MAOB: variants seen among roughly 807,000 people sequenced by gnomAD.
MAOB encodes the protein amine oxidase [flavin-containing] B.
In MAOB, 15 loss-of-function variants were observed where a neutral mutation model predicts 41.9. The ratio of observed to expected loss-of-function variants is 0.36; its 90% CI spans 0.24 to 0.55. The LOEUF (loss-of-function observed/expected upper bound fraction) is 0.55. Among genes scored for constraint, MAOB ranks in the 20% least tolerant of loss-of-function variants. The pLI is 0.86. For missense variants in MAOB, 345 were observed against 398.7 expected (o/e 0.87, Z 1.15); for synonymous variants, 167 against 144.2 (o/e 1.16, Z -1.13).
chrX:43,846,123 T>C (rs1189143382), intron 1 of MAOB, among the ~76,000 whole-genome samples: 1 of 112,497 alleles, frequency 8.9e-6, no homozygotes, highest in Non-Finnish European at 1.9e-5. Context: ...TTCAATGACA[T>C]TTTTCTTACC....
chrX:43,800,900 CTA>C (rs1484087681), intron 5 of MAOB, among the ~76,000 whole-genome samples: 3 of 111,117 alleles, frequency 2.7e-5, no homozygotes, highest in African/African-American at 9.8e-5. Flanking sequence ...GCCTGCTTTT[CTA>C]TGTGTTTAAT....
intron 1 of MAOB, among the ~76,000 whole-genome samples, chrX:43,872,630 A>T (rs2147182186): frequency 8.9e-6 from 1 of 112,395 alleles, no homozygotes; most frequent in South Asian, 3.7e-4. Flanking sequence ...AAAAAACACA[A>T]ATGTTCAGCA....
At chrX:43,857,143 AGAGAGAGAGAGAGAGAGAG>A (rs1569230866) in intron 1 of MAOB, among the ~76,000 whole-genome samples, 9 of 62,259 alleles carry the variant, frequency 1.4e-4, no homozygotes, top group African/African-American at 3.9e-4. Context: ...AGAGAGAGAG[AGAGAGAGAGAGAGAGAGAG>A]AGAAGAAGAG....
At chrX:43,778,218 A>G (rs886555260) in intron 11 of MAOB, among the ~76,000 whole-genome samples, 4 of 110,927 alleles carry the variant, frequency 3.6e-5, no homozygotes, top group Admixed American at 9.6e-5. Context: ...TTACTGTGAG[A>G]CAGTGGGGGA....
chrX:43,849,258 G>A (rs2035232565), intron 1 of MAOB, among the ~76,000 whole-genome samples: 1 of 111,794 alleles, frequency 8.9e-6, no homozygotes, highest in Non-Finnish European at 1.9e-5. Flanking sequence ...AGAAAATGAA[G>A]CATAGAGAGG....
intron 1 of MAOB, among the ~76,000 whole-genome samples, chrX:43,881,651 A>AGTGGG (rs908837079): frequency 2.7e-5 from 3 of 111,715 alleles, no homozygotes; most frequent in African/African-American, 9.8e-5. Context: ...CTGCGCTAGG[A>AGTGGG]GTGGGGTGGG....
chrX:43,869,017 G>A (rs1314278044), intron 1 of MAOB, among the ~76,000 whole-genome samples: 3 of 111,310 alleles, frequency 2.7e-5, no homozygotes, highest in Middle Eastern at 9.2e-3. Context: ...CAAAGATTTC[G>A]GGTAGATAGT....
At chrX:43,774,955 C>T (rs1373787405) in intron 12 of MAOB, among the ~76,000 whole-genome samples, 1 of 110,420 alleles carries the variant, frequency 9.1e-6, no homozygotes, top group Non-Finnish European at 1.9e-5. Context: ...ATTGGAATTG[C>T]TCTTCCAGGG....
At chrX:43,796,902 TAAAG>T (rs1011886656) in intron 6 of MAOB, among the ~76,000 whole-genome samples, 3 of 111,853 alleles carry the variant, frequency 2.7e-5, no homozygotes, top group African/African-American at 9.8e-5. Flanking sequence ...CCACAGTGCA[TAAAG>T]AGAGACAAGC....
At chrX:43,817,308 C>G (rs1454557624) in intron 3 of MAOB, among the ~76,000 whole-genome samples, 1 of 110,424 alleles carries the variant, frequency 9.1e-6, no homozygotes, top group East Asian at 2.8e-4. Flanking sequence ...AGCAGATTGC[C>G]CGAAATCAGT....
chrX:43,837,799 G>C, intron 3 of MAOB: 2 of 323,742 alleles, frequency 6.2e-6, no homozygotes, highest in South Asian at 5.4e-5. Context: ...GTGAAGATGA[G>C]AGAGGAAAGA....
chrX:43,821,547 C>A (rs1028614166), intron 3 of MAOB, among the ~76,000 whole-genome samples: 1 of 111,623 alleles, frequency 9.0e-6, no homozygotes, highest in Non-Finnish European at 1.9e-5. Flanking sequence ...TGGAAAAGTT[C>A]TTGGTAACCT....
intron 14 of MAOB, 94 bp downstream of exon 14, chrX:43,768,560 G>GA: frequency 1.5e-6 from 1 of 688,408 alleles, no homozygotes; most frequent in Non-Finnish European, 2.3e-6. Context: ...AATCACTTAG[G>GA]AAAAGGTATG....
At chrX:43,878,533 G>A (rs192938539) in intron 1 of MAOB, among the ~76,000 whole-genome samples, 53 of 110,408 alleles carry the variant, frequency 4.8e-4, no homozygotes, top group Non-Finnish European at 1.5e-4. Flanking sequence ...AAGATAAATC[G>A]TATGTTCTTT....
chrX:43,792,071 C>A (rs1406260296), intron 8 of MAOB, among the ~76,000 whole-genome samples: 1 of 112,462 alleles, frequency 8.9e-6, no homozygotes, highest in Non-Finnish European at 1.9e-5. Flanking sequence ...TAAACCCATA[C>A]TTTAAAACAC....
At chrX:43,881,663 T>C (rs2035474171) in intron 1 of MAOB, among the ~76,000 whole-genome samples, 1 of 109,607 alleles carries the variant, frequency 9.1e-6, no homozygotes. Flanking sequence ...TGGGGTGGGG[T>C]GGAGTGGGGG....
chrX:43,786,647 G>C (rs1246605319), intron 8 of MAOB, among the ~76,000 whole-genome samples: 9 of 112,122 alleles, frequency 8.0e-5, no homozygotes, highest in Middle Eastern at 4.6e-3. Context: ...GCAAGAGAGA[G>C]AGCAGACAAA....
At chrX:43,847,161 T>C (rs2035211662) in intron 1 of MAOB, among the ~76,000 whole-genome samples, 1 of 111,171 alleles carries the variant, frequency 9.0e-6, no homozygotes, top group African/African-American at 3.3e-5. Context: ...CTGGCCAACA[T>C]GGGGAAACCC....
At chrX:43,777,325 C>T (rs1201618134) in intron 11 of MAOB, among the ~76,000 whole-genome samples, 1 of 111,110 alleles carries the variant, frequency 9.0e-6, no homozygotes, top group African/African-American at 3.3e-5. Context: ...TGATACTTTA[C>T]TCAATATCCT....
Sources: allele counts gnomAD v4.1 joint callset (sites outside exome capture counted in the v4.1 genomes callset), GRCh38; gene constraint gnomAD v4.1.1; transcripts MANE v1.5; gene names NCBI Gene and HGNC (gene_info 2026-07-23, HGNC 2026-07-21).